Variants in IPCEF1 observed in about 807,000 individuals in gnomAD.
The protein encoded by IPCEF1 is interactor protein for cytohesin exchange factors 1.
IPCEF1 carries 31 observed loss-of-function variants against 50.9 expected under a neutral mutation model. That is an observed-to-expected ratio of 0.61 (90% CI 0.46 to 0.82). The LOEUF is 0.82. IPCEF1 is among the 40% of genes least tolerant of loss of function. The pLI is 0.00. For synonymous variants in IPCEF1, 181 were observed against 192.0 expected, an observed-to-expected ratio of 0.94 and a Z score of 0.47; for missense variants, 458 against 514.0, an observed-to-expected ratio of 0.89 and a Z score of 1.05.
intron 10 of IPCEF1, among the ~76,000 whole-genome samples, chr6:154,194,528 C>G (rs2281620): frequency 1.3e-5 from 2 of 151,702 alleles, no homozygotes; most frequent in African/African-American, 2.4e-5. Flanking sequence ...AACTCCTCAA[C>G]CCCTCCTACT....
At chr6:154,294,125 T>C (rs1782578791) in intron 1 of IPCEF1, among the ~76,000 whole-genome samples, 1 of 152,220 alleles carries the variant, frequency 6.6e-6, no homozygotes, top group Admixed American at 6.5e-5. Context: ...TTATTAGTTA[T>C]TCTCACAATC....
intron 1 of IPCEF1, among the ~76,000 whole-genome samples, chr6:154,294,676 T>C (rs1368468944): frequency 1.3e-5 from 2 of 152,126 alleles, no homozygotes; most frequent in Non-Finnish European, 2.9e-5. Context: ...AACTCTCACT[T>C]TGCTGAGAGT....
intron 1 of IPCEF1, among the ~76,000 whole-genome samples, chr6:154,339,824 T>C (rs1783869701): frequency 2.0e-5 from 3 of 151,836 alleles, no homozygotes; most frequent in South Asian, 2.1e-4. Flanking sequence ...TCTGGAACAC[T>C]TGGGCTCAAG....
intron 5 of IPCEF1, among the ~76,000 whole-genome samples, chr6:154,236,839 C>T (rs1005907417): frequency 2.0e-5 from 3 of 152,160 alleles, no homozygotes; most frequent in Admixed American, 1.3e-4. Flanking sequence ...TGGGTGCGTT[C>T]TCTTTCAAGG....
At chr6:154,294,608 C>A (rs1453074731) in intron 1 of IPCEF1, among the ~76,000 whole-genome samples, 1 of 152,162 alleles carries the variant, frequency 6.6e-6, no homozygotes, top group Non-Finnish European at 1.5e-5. Context: ...TTCTGGCTTC[C>A]CCTGTTCTGG....
At position 154,212,807 on chromosome 6, in the gene IPCEF1, G is replaced by A. The variant is rs755067526; in HGVS notation, c.500C>T (p.Thr167Ile). The change falls in exon 9 of 12, where the codon ACA becomes ATA. Residue 167 changes from threonine to isoleucine, a missense_variant. Thr to Ile is a moderately conservative substitution (Grantham distance 89, BLOSUM62 -1). Transcript: ENST00000367220. ...EQEDPEIAAE[T>I]PPPPHASQTQ... ...CTGGGAAGCGTGAGGAGGGGGTGGT[G>A]TCTCCGCAGCTATTTCTGGATCTTC... 1.9e-6 allele frequency: 3 copies of A among 1,613,720 alleles called. No individual in the cohort carries two copies. The highest frequency in any genetic ancestry group is 1.7e-6 in the Non-Finnish European group (2 of 1,179,592).
chr6:154,246,214 T>C (rs1029719268), intron 5 of IPCEF1, among the ~76,000 whole-genome samples: 1 of 152,186 alleles, frequency 6.6e-6, no homozygotes, highest in African/African-American at 2.4e-5. Flanking sequence ...CCGAGTCTCC[T>C]TTTAGTAGAG....
chr6:154,296,721 CG>C (rs1562583972), intron 1 of IPCEF1, among the ~76,000 whole-genome samples: 1 of 150,514 alleles, frequency 6.6e-6, no homozygotes, highest in Non-Finnish European at 1.5e-5. Flanking sequence ...CCCAACTACT[CG>C]GGAGGCTGAG....
chr6:154,174,511 G>T (rs1326876956), intron 10 of IPCEF1, among the ~76,000 whole-genome samples: 1 of 151,968 alleles, frequency 6.6e-6, no homozygotes, highest in African/African-American at 2.4e-5. Flanking sequence ...AAAAAAGCAG[G>T]GGTTGCAATC....
At chr6:154,245,549 C>T (rs1456490772) in intron 5 of IPCEF1, among the ~76,000 whole-genome samples, 1 of 152,194 alleles carries the variant, frequency 6.6e-6, no homozygotes, top group Non-Finnish European at 1.5e-5. Flanking sequence ...ATATGCAGTA[C>T]TTATTTTGCA....
At chr6:154,244,644 T>C (rs1780886290) in intron 5 of IPCEF1, among the ~76,000 whole-genome samples, 1 of 152,130 alleles carries the variant, frequency 6.6e-6, no homozygotes, top group African/African-American at 2.4e-5. Flanking sequence ...ATGCCTAAAA[T>C]AGGTAACTCA....
chr6:154,168,253 A>C lies in IPCEF1; in HGVS notation c.911-140T>G. 3.3e-6 allele frequency: 2 copies of C among 612,512 alleles called. No individual in the cohort carries two copies. Among genetic ancestry groups the C allele is most frequent in the South Asian group, 3.2e-5 (1 of 31,186 alleles). The allele number at this position is 612,512 out of a possible 1,614,324, so 37.9% of individuals were successfully genotyped here. ...TCTCTCCGGAACTGAAAGACAATAA[A>C]TGTTTGCTGTCTAAGCCACCCAGTT... is the stretch of plus-strand genomic sequence containing the variant. On this transcript the variant is annotated intron_variant, in intron 10 of 11. Transcript: ENST00000367220. The surrounding 1 kb of genome is among the most constrained non-coding windows in gnomAD (Gnocchi z 4.1).
At chr6:154,206,599 C>A (rs1777514658) in intron 9 of IPCEF1, among the ~76,000 whole-genome samples, 1 of 70,098 alleles carries the variant, frequency 1.4e-5, no homozygotes, top group Non-Finnish European at 2.7e-5. Context: ...ATTGTGATAA[C>A]AACATGAAAA....
At chr6:154,225,715 T>G (rs1321001369) in intron 5 of IPCEF1, among the ~76,000 whole-genome samples, 1 of 152,220 alleles carries the variant, frequency 6.6e-6, no homozygotes, top group Middle Eastern at 3.2e-3. Context: ...GCCACTGAAC[T>G]GCTCACTTTA....
intron 10 of IPCEF1, among the ~76,000 whole-genome samples, chr6:154,170,836 T>C (rs1799814391): frequency 6.6e-6 from 1 of 152,162 alleles, no homozygotes; most frequent in Non-Finnish European, 1.5e-5. Flanking sequence ...TCATACATTG[T>C]TAGTGGGAAT....
intron 2 of IPCEF1, among the ~76,000 whole-genome samples, chr6:154,277,277 A>T (rs867537122): frequency 2.6e-5 from 4 of 152,326 alleles, no homozygotes; most frequent in Admixed American, 6.5e-5. Context: ...AGAACGAGAG[A>T]TGTCACTAAA....
rs1664534789 is a variant in IPCEF1, at chr6:154,157,815, C to T, written c.*2013G>A. ...TAAATAATTTCCCTTCTGGTATCTGCTAATCACAGAAAGAATCAGTAATTT... is the reference window on the plus strand; with the variant it reads ...TAAATAATTTCCCTTCTGGTATCTGTTAATCACAGAAAGAATCAGTAATTT... On this transcript the variant is annotated 3_prime_UTR_variant, in exon 12 of 12. Transcript: ENST00000367220. 1 of 152,202 alleles carries T rather than the reference C, an allele frequency of 6.6e-6. No individual in the cohort carries two copies. 9.4% of individuals were successfully genotyped at this position (152,202 alleles called of 1,614,324 possible).
intron 8 of IPCEF1, among the ~76,000 whole-genome samples, chr6:154,213,720 T>C (rs781113673): frequency 6.6e-6 from 1 of 152,200 alleles, no homozygotes; most frequent in Non-Finnish European, 1.5e-5. Context: ...TAGACTCCTG[T>C]AGCTTTTGAA....
At chr6:154,316,727 T>C (rs1783229127) in intron 1 of IPCEF1, among the ~76,000 whole-genome samples, 1 of 152,216 alleles carries the variant, frequency 6.6e-6, no homozygotes, top group African/African-American at 2.4e-5. Context: ...AACGATGTAT[T>C]GTATTCCTGA....
Sources: gnomAD v4.1 joint callset for allele counts (sites outside exome capture counted in the v4.1 genomes callset) on GRCh38, gnomAD v4.1.1 for gene constraint, Gnocchi (gnomAD v3.1) non-coding constraint, MANE v1.5 for transcripts, NCBI Gene and HGNC (gene_info 2026-07-23, HGNC 2026-07-21) for gene names.